GOLGA2: variants seen among roughly 807,000 people sequenced by gnomAD.
The protein encoded by GOLGA2 is golgin A2.
A neutral mutation model predicts 148.8 loss-of-function variants in GOLGA2; 49 were observed. That is an observed-to-expected ratio of 0.33 (90% confidence interval 0.26 to 0.42). The LOEUF (loss-of-function observed/expected upper bound fraction) is 0.42. Ranked by LOEUF, GOLGA2 falls within the 10% of genes least tolerant of loss-of-function variation. GOLGA2 has a pLI of 1.00. For synonymous variants in GOLGA2, 501 were observed against 511.8 expected (o/e 0.98, Z 0.28); for missense variants, 1,178 against 1,304.6 (o/e 0.90, Z 1.49).
intron 1 of GOLGA2, 104 bp downstream of exon 1, chr9:128,275,789 G>A: frequency 1.5e-6 from 1 of 661,876 alleles, no homozygotes; most frequent in South Asian, 2.0e-5. Context: ...GCCGTGGGGA[G>A]CCCAGCCCGG....
In GOLGA2 at chr9:128,266,251, C is replaced by A; in HGVS notation, c.681+36G>T. ...ACATTTGAATGCCCCCCAAACCCAG[C>A]AGTCATGTTGTGAGCAAACAAAGAA... On this transcript the variant is annotated intron_variant, in intron 9 of 26. Coordinates refer to ENST00000611957, the MANE Select transcript of GOLGA2 (RefSeq NM_001366244.2). This position sits in a 1 kb window ranked among gnomAD's most constrained non-coding sequence, Gnocchi z 4.2. 1 of 1,578,352 alleles carries A rather than the reference C, an allele frequency of 6.3e-7. No individual in the cohort carries two copies. The highest frequency in any genetic ancestry group is 8.7e-7 in the Non-Finnish European group (1 of 1,147,756).
chr9:128,272,127 GTT>G (rs796122725), intron 3 of GOLGA2, among the ~76,000 whole-genome samples: 1 of 138,228 alleles, frequency 7.2e-6, no homozygotes. Context: ...GTTTTTTTGT[GTT>G]TTTTTTTTTT....
chr9:128,275,046 G>A (rs1339539682), intron 1 of GOLGA2, among the ~76,000 whole-genome samples: 1 of 152,224 alleles, frequency 6.6e-6, no homozygotes, highest in Non-Finnish European at 1.5e-5. Flanking sequence ...TCTCTCTGGA[G>A]AGTAGAAGCC....
rs766402040 is a variant in GOLGA2, at chr9:128,257,731, G to A, written c.2612-24C>T. Reference sequence around the variant, plus strand: ...TCCTGCGGGAGGACAGGGCTCAGATGCTGGGTTCCCTCCGACCGCTGTGCA... The same window carrying A: ...TCCTGCGGGAGGACAGGGCTCAGATACTGGGTTCCCTCCGACCGCTGTGCA... On this transcript the variant is annotated intron_variant, in intron 24 of 26. Transcript: ENST00000611957. The surrounding 1 kb of genome is among the most constrained non-coding windows in gnomAD (Gnocchi z 8.0). The A allele has an allele frequency of 5.0e-6, 8 of 1,610,950 alleles. No individual in the cohort carries two copies. The Admixed American group carries it at 1.3e-4, about 27-fold the overall frequency.
chr9:128,266,002 G>A lies in GOLGA2; in HGVS notation c.700C>T (p.Gln234Ter). ...QLEEEKKECH[Q>*]KQGALREQLQ... ...TGCTCCCTTAGGGCTCCCTGCTTTT[G>A]GTGGCATTCTTTCTTTTCCTATAGG... is the stretch of plus-strand genomic sequence containing the variant. Residue 234 changes from glutamine to a stop codon, truncating the protein, a stop_gained, in exon 10 of 27, where the codon CAA becomes TAA. Coordinates refer to ENST00000611957, the MANE Select transcript of GOLGA2 (RefSeq NM_001366244.2). LOFTEE classifies it high-confidence loss of function. The surrounding 1 kb of genome is among the most constrained non-coding windows in gnomAD (Gnocchi z 4.2). 1 of 1,613,400 alleles carries A rather than the reference G, an allele frequency of 6.2e-7. No homozygotes were observed. Among genetic ancestry groups the A allele is most frequent in the Non-Finnish European group, 8.5e-7 (1 of 1,179,328 alleles).
At chr9:128,267,568 A>C in intron 6 of GOLGA2, 51 bp from the exon 7 acceptor site, 1 of 1,399,632 alleles carries the variant, frequency 7.1e-7, no homozygotes, top group Non-Finnish European at 1.0e-6. Flanking sequence ...TCAGTGTCTA[A>C]GCCCTCTAAC....
At position 128,258,539 on chromosome 9, in the gene GOLGA2, A is replaced by ATCCTCC; in HGVS notation, c.2199_2204dup (p.Glu733_Glu734dup). ...CCGCCTCCTCCTCCTCCTCCTCCTCATCCTCCTCCTCCTCCCGGTCCAGTC... is the reference window on the plus strand; with the variant it reads ...CCGCCTCCTCCTCCTCCTCCTCCTCATCCTCCTCCTCCTCCTCCTCCCGGTCCAGTC... On this transcript the variant is annotated inframe_insertion, in exon 22 of 27. Transcript: ENST00000611957. The surrounding 1 kb of genome is among the most constrained non-coding windows in gnomAD (Gnocchi z 6.6). The ATCCTCC allele has an allele frequency of 2.6e-6, 4 of 1,543,994 alleles. No homozygotes were observed. The highest frequency in any genetic ancestry group is 3.5e-6 in the Non-Finnish European group (4 of 1,147,854).
Position 128,258,997 on chromosome 9 carries a change from G to T in GOLGA2, c.2173+10C>A, listed in dbSNP as rs201571055. The T allele has an allele frequency of 1.9e-6, 3 of 1,554,162 alleles. No homozygotes were observed. Among genetic ancestry groups the T allele is most frequent in the Non-Finnish European group, 2.7e-6 (3 of 1,131,252 alleles). ...GGCTCTCTCCTCTTCCTGTGAGCAG[G>T]TTCCCGTACCTTCCCCAGGGTGAGC... On this transcript the variant is annotated intron_variant, in intron 21 of 26. Coordinates refer to ENST00000611957, the MANE Select transcript of GOLGA2 (RefSeq NM_001366244.2). The surrounding 1 kb of genome is among the most constrained non-coding windows in gnomAD (Gnocchi z 6.6).
chr9:128,262,920 A>AC, intron 13 of GOLGA2, 114 bp downstream of exon 13: 1 of 840,874 alleles, frequency 1.2e-6, no homozygotes, highest in Non-Finnish European at 2.0e-6. Context: ...TTTGCTGGGC[A>AC]CACATGCACA....
At position 128,258,516 on chromosome 9, in the gene GOLGA2, GCCTCCTCCTCCTCCTCCTCCTCATCCT is replaced by G; in HGVS notation, c.2201_2227del (p.Glu734_Glu742del). 6.3e-7 allele frequency: 1 copy of G among 1,588,344 alleles called. No individual in the cohort carries two copies. The highest frequency in any genetic ancestry group is 8.6e-7 in the Non-Finnish European group (1 of 1,168,436). ...TGGCATGGGCTGAGGTACTGCCACC[GCCTCCTCCTCCTCCTCCTCCTCATCCT>G]CCTCCTCCTCCCGGTCCAGTCCATC... On this transcript the variant is annotated inframe_deletion, in exon 22 of 27. Coordinates refer to ENST00000611957, the MANE Select transcript of GOLGA2 (RefSeq NM_001366244.2). This position sits in a 1 kb window ranked among gnomAD's most constrained non-coding sequence, Gnocchi z 6.6.
chr9:128,268,020 CA>C (rs753143620), intron 5 of GOLGA2, 23 bp from the exon 6 acceptor site: 3 of 1,611,520 alleles, frequency 1.9e-6, no homozygotes, highest in South Asian at 1.1e-5. Flanking sequence ...ACACAGGGGT[CA>C]GGGGTGCAGG....
chr9:128,260,539 T>C lies in GOLGA2; in HGVS notation c.1684A>G (p.Ile562Val), dbSNP rs777067576. Residue 562 changes from isoleucine to valine, a missense_variant, in exon 18 of 27, where the codon ATC becomes GTC. Ile to Val is a conservative substitution (Grantham distance 29). This residue lies in a region of GOLGA2 where 529 missense variants were observed against 521.8 expected (regional missense o/e 1.01). Coordinates refer to ENST00000611957, the MANE Select transcript of GOLGA2 (RefSeq NM_001366244.2). The surrounding 1 kb of genome is among the most constrained non-coding windows in gnomAD (Gnocchi z 4.8). The part of the protein sequence containing the change: ...LETMQNDRTT[I>V]SRALSQNREL... ...CGGTTCTGGGAGAGTGCGCGGCTGA[T>C]GGTAGTGCGGTCGTTCTGCATGGTC... 3 of 1,613,344 alleles carry C rather than the reference T, an allele frequency of 1.9e-6. No individual in the cohort carries two copies. The highest frequency in any genetic ancestry group is 2.5e-6 in the Non-Finnish European group (3 of 1,180,000).
In GOLGA2 at chr9:128,275,980, C is replaced by A. The variant is rs1248416801; in HGVS notation, c.-4G>T. The A allele has an allele frequency of 6.3e-7, 1 of 1,598,944 alleles. No individual in the cohort carries two copies. Among genetic ancestry groups the A allele is most frequent in the East Asian group, 2.2e-5 (1 of 44,576 alleles). Reference sequence around the variant, plus strand: ...GGAGGCGGGGTTGGGGCCACATCAGCGCGATCCCGGCAACCACTGCGGAAG... The same window carrying A: ...GGAGGCGGGGTTGGGGCCACATCAGAGCGATCCCGGCAACCACTGCGGAAG... On this transcript the variant is annotated 5_prime_UTR_variant, in exon 1 of 27. Transcript: ENST00000611957.
Position 128,257,523 on chromosome 9 carries a change from C to T in GOLGA2, c.2721G>A (p.Val907=). ...RLAQDKEEMK[V]KLLELQELVL... is the part of the protein sequence containing the mutation. The stretch of plus-strand genomic sequence containing the variant: ...CCAGCTCCTGCAGCTCCAGCAGCTT[C>T]ACCTGGAGGGAGGGGTGCTAAGCTG... Residue 907 remains valine, a splice_region_variant and synonymous_variant, in exon 26 of 27, where the codon GTG becomes GTA. Coordinates refer to ENST00000611957, the MANE Select transcript of GOLGA2 (RefSeq NM_001366244.2). This position sits in a 1 kb window ranked among gnomAD's most constrained non-coding sequence, Gnocchi z 8.0. The T allele has an allele frequency of 6.2e-6, 10 of 1,614,100 alleles. No individual in the cohort carries two copies. Among genetic ancestry groups the T allele is most frequent in the Non-Finnish European group, 8.5e-6 (10 of 1,180,028 alleles).
In GOLGA2 at chr9:128,257,769, G is replaced by A. The variant is rs201340155; in HGVS notation, c.2611+21C>T. 636 of 1,609,754 alleles carry A rather than the reference G, an allele frequency of 4.0e-4. No individual in the cohort carries two copies. The African/African-American group carries it at 7.5e-3, about 19-fold the overall frequency. The stretch of plus-strand genomic sequence containing the variant: ...CGACCGCTGTGCAGCTCCTCCTGCC[G>A]TGCCCTGGCCTCCCACTCACCAATG... On this transcript the variant is annotated intron_variant, in intron 24 of 26. Coordinates refer to ENST00000611957, the MANE Select transcript of GOLGA2 (RefSeq NM_001366244.2). The surrounding 1 kb of genome is among the most constrained non-coding windows in gnomAD (Gnocchi z 8.0).
At chr9:128,262,937 T>C (rs778330997) in intron 13 of GOLGA2, 97 bp downstream of exon 13, 1 of 904,838 alleles carries the variant, frequency 1.1e-6, no homozygotes, top group Non-Finnish European at 1.8e-6. Context: ...CACACCTCTA[T>C]GACTACCTCA....
In GOLGA2 at chr9:128,271,779, T is replaced by C. The variant is rs1588492144; in HGVS notation, c.288+1006A>G. ...CTTCAGAGGAGTCTGCCTCCCTCGGTGTGCAGCCTACCTTGTTCATCTATT... is the reference window on the plus strand; with the variant it reads ...CTTCAGAGGAGTCTGCCTCCCTCGGCGTGCAGCCTACCTTGTTCATCTATT... On this transcript the variant is annotated intron_variant, in intron 3 of 26. Transcript: ENST00000611957. This position sits in a 1 kb window ranked among gnomAD's most constrained non-coding sequence, Gnocchi z 4.4. 6.6e-6 allele frequency among the ~76,000 whole-genome samples: 1 copy of C among 152,230 alleles called. No individual in the cohort carries two copies. Among genetic ancestry groups the C allele is most frequent in the South Asian group, 2.1e-4 (1 of 4,826 alleles).
chr9:128,268,579 A>G lies in GOLGA2; in HGVS notation c.289-55T>C, dbSNP rs938570047. On this transcript the variant is annotated intron_variant, in intron 3 of 26. Coordinates refer to ENST00000611957, the MANE Select transcript of GOLGA2 (RefSeq NM_001366244.2). ...GGCCATGCGGGAGAGGTGCCTCAGT[A>G]CTATGAACACAAGGGTGTGGAACAG... is the stretch of plus-strand genomic sequence containing the variant. 4.0e-5 allele frequency: 36 copies of G among 893,058 alleles called. No individual in the cohort carries two copies. In the African/African-American group the frequency reaches 4.7e-4, roughly 12 times the overall value. 55.3% of individuals were successfully genotyped at this position (893,058 alleles called of 1,614,324 possible).
chr9:128,268,620 C>T, intron 3 of GOLGA2, 96 bp from the exon 4 acceptor site: 1 of 688,202 alleles, frequency 1.5e-6, no homozygotes, highest in South Asian at 1.6e-5. Flanking sequence ...ACAGGTGTTG[C>T]TGCAGTCAGA....
Sources: gnomAD v4.1 joint callset for allele counts (sites outside exome capture counted in the v4.1 genomes callset) on GRCh38, gnomAD v4.1.1 for gene constraint, gnomAD v4.1.1 regional missense constraint, Gnocchi (gnomAD v3.1) non-coding constraint, MANE v1.5 for transcripts, NCBI Gene and HGNC (gene_info 2026-07-23, HGNC 2026-07-21) for gene names.